The following PCDHGA5 variants were observed in gnomAD, a reference collection of about 807,000 sequenced individuals.
PCDHGA5 encodes the protein protocadherin gamma subfamily A, 5, also known as protocadherin gamma-A5.
A neutral mutation model predicts 56.7 loss-of-function variants in PCDHGA5; 36 were observed. The observed-to-expected ratio is 0.64, with a 90% CI of 0.49 to 0.84. PCDHGA5 has a LOEUF of 0.84. Among genes scored for constraint, PCDHGA5 ranks in the 40% least tolerant of loss-of-function variants. The probability of loss-of-function intolerance (pLI) is 0.00; values close to 1 mark genes in which losing one functional copy is unlikely to be tolerated. For missense variants in PCDHGA5, 1,305 were observed against 1,201.5 expected, an observed-to-expected ratio of 1.09 and a Z score of -1.27; for synonymous variants, 563 against 520.2, an observed-to-expected ratio of 1.08 and a Z score of -1.12.
At chr5:141,422,166 T>A (rs370704205) in intron 1 of PCDHGA5, 1 of 1,569,256 alleles carries the variant, frequency 6.4e-7, no homozygotes, top group African/African-American at 1.4e-5. Context: ...TTGAAAAATA[T>A]AGATTCTATG....
At chr5:141,417,628 A>T (rs2096139720) in intron 1 of PCDHGA5, 1 of 692,650 alleles carries the variant, frequency 1.4e-6, no homozygotes, top group Non-Finnish European at 2.3e-6. Context: ...GCAAGCGCTG[A>T]CGCCGGGGAT....
intron 1 of PCDHGA5, chr5:141,410,775 T>A: frequency 1.0e-6 from 1 of 998,978 alleles, no homozygotes. Flanking sequence ...TAGTTTTCAC[T>A]ATGTATTTGG....
chr5:141,370,484 C>G (rs750551260), intron 1 of PCDHGA5: 1 of 1,613,866 alleles, frequency 6.2e-7, no homozygotes, highest in African/African-American at 1.3e-5. Context: ...AGGCTCTCTC[C>G]GAACCGATCC....
intron 1 of PCDHGA5, among the ~76,000 whole-genome samples, chr5:141,494,512 C>T (rs2154591503): frequency 6.6e-6 from 1 of 152,276 alleles, no homozygotes; most frequent in Middle Eastern, 3.4e-3. Context: ...AATTTTGGCT[C>T]AGGAGTTCTG....
intron 1 of PCDHGA5, chr5:141,416,401 T>C (rs2096020867): frequency 6.6e-6 from 1 of 152,204 alleles, no homozygotes; most frequent in African/African-American, 2.4e-5. Context: ...TGCTTTTGTC[T>C]TTTTTGTTAA....
chr5:141,390,279 C>T (rs759949726), intron 1 of PCDHGA5: 18 of 1,613,880 alleles, frequency 1.1e-5, no homozygotes, highest in Non-Finnish European at 1.5e-5. Context: ...GACTTCCCAT[C>T]AGGTGAGTTT....
rs2099883762 is a variant in PCDHGA5, at chr5:141,511,396, C to T, written c.*223C>T. 9.8e-7 allele frequency: 1 copy of T among 1,016,834 alleles called. No homozygotes were observed. Among genetic ancestry groups the T allele is most frequent in the South Asian group, 1.7e-5 (1 of 58,996 alleles). The allele number at this position is 1,016,834 out of a possible 1,614,324, so 63.0% of individuals were successfully genotyped here. ...AAGCAGTTCCGCTGGGAACCCCCAT[C>T]CAATCAACTGCTGTACCCATGGGGG... On this transcript the variant is annotated 3_prime_UTR_variant, in exon 4 of 4. Coordinates refer to ENST00000518069, the MANE Select transcript of PCDHGA5 (RefSeq NM_018918.3).
intron 1 of PCDHGA5, chr5:141,378,010 T>C (rs1476632072): frequency 6.6e-6 from 1 of 152,212 alleles, no homozygotes; most frequent in Non-Finnish European, 1.5e-5. Flanking sequence ...TCAAATAAGC[T>C]CTACTTATAT....
At position 141,389,550 on chromosome 5, in the gene PCDHGA5, A is replaced by T. The variant is rs767434946; in HGVS notation, c.2421+22799A>T. The T allele has an allele frequency of 3.7e-6, 6 of 1,613,098 alleles. No individual in the cohort carries two copies. The African/African-American group carries it at 4.0e-5, about 11-fold the overall frequency. On this transcript the variant is annotated intron_variant, in intron 1 of 3. Transcript: ENST00000518069. ...CGTGTTAGTGGACGACCGCAACGAC[A>T]ATGCGCCACGGGTGCTGTACCCCGC...
At position 141,403,340 on chromosome 5, in the gene PCDHGA5, G is replaced by GC. The variant is rs1435471755; in HGVS notation, c.2421+36593dup. The GC allele has an allele frequency of 5.6e-6, 9 of 1,613,982 alleles. No homozygotes were observed. In the South Asian group the frequency reaches 9.9e-5, roughly 18 times the overall value. ...AGAAGTAACTGATATTAACGACAGCGCCCCAAAGTTCCAGGCCGAAAGTCT... is the reference window on the plus strand; with the variant it reads ...AGAAGTAACTGATATTAACGACAGCGCCCCCAAAGTTCCAGGCCGAAAGTCT... On this transcript the variant is annotated intron_variant, in intron 1 of 3. Transcript: ENST00000518069.
At position 141,366,311 on chromosome 5, in the gene PCDHGA5, A is replaced by T. The variant is rs1561537361; in HGVS notation, c.1981A>T (p.Thr661Ser). 3 of 1,613,766 alleles carry T rather than the reference A, an allele frequency of 1.9e-6. No individual in the cohort carries two copies. The highest frequency in any genetic ancestry group is 2.5e-6 in the Non-Finnish European group (3 of 1,179,966). ...QPPLSATFTV[T>S]VAVADRIPDI... The stretch of plus-strand genomic sequence containing the variant: ...CCCTCTGTCAGCCACCTTCACGGTC[A>T]CCGTTGCCGTGGCCGACAGGATCCC... The change falls in exon 1 of 4, where the codon ACC becomes TCC. Residue 661 changes from threonine (T) to serine (S), a missense_variant. By Grantham distance (58) the Thr-to-Ser change is moderately conservative. Coordinates refer to ENST00000518069, the MANE Select transcript of PCDHGA5 (RefSeq NM_018918.3).
intron 1 of PCDHGA5, among the ~76,000 whole-genome samples, chr5:141,465,396 C>A (rs2099102528): frequency 6.6e-6 from 1 of 152,054 alleles, no homozygotes; most frequent in Admixed American, 6.6e-5. Context: ...AAAAACAAGT[C>A]AGAAGAAGCC....
At chr5:141,417,743 A>T in intron 1 of PCDHGA5, 2 of 1,419,054 alleles carry the variant, frequency 1.4e-6, no homozygotes, top group Non-Finnish European at 1.9e-6. Flanking sequence ...AGCACACCAG[A>T]TTGCCAGCTC....
intron 1 of PCDHGA5, chr5:141,370,328 G>T: frequency 1.4e-6 from 2 of 1,405,614 alleles, no homozygotes; most frequent in South Asian, 2.9e-5. Flanking sequence ...CCTGCTCGGA[G>T]AACTCTTGGG....
At chr5:141,455,984 G>A (rs1405675950) in intron 1 of PCDHGA5, among the ~76,000 whole-genome samples, 2 of 151,492 alleles carry the variant, frequency 1.3e-5, no homozygotes, top group East Asian at 1.9e-4. Context: ...TGCAAGCTCC[G>A]CCTCTCGGGT....
intron 1 of PCDHGA5, chr5:141,388,173 G>A (rs2091270272): frequency 1.3e-6 from 2 of 1,502,222 alleles, no homozygotes; most frequent in South Asian, 2.3e-5. Flanking sequence ...GGAGATATGC[G>A]GGAAGAAGCC....
chr5:141,390,538 C>CA, intron 1 of PCDHGA5: 3 of 518,310 alleles, frequency 5.8e-6, no homozygotes, highest in Non-Finnish European at 1.0e-5. Flanking sequence ...GTTTTAACCA[C>CA]AAAGTGAAAG....
rs760676891 is a variant in PCDHGA5, at chr5:141,413,180, CCGCTCAAAGGAAT to C, written c.2421+46444_2421+46456del. The C allele has an allele frequency of 6.9e-5, 111 of 1,602,612 alleles. No individual in the cohort carries two copies. The East Asian group carries it at 9.6e-4, about 14-fold the overall frequency. ...GAATTCTGTAACCAGACTACAATGG[CCGCTCAAAGGAAT>C]CGCTCAAAGGAATCAAAGGATTGCA... On this transcript the variant is annotated intron_variant, in intron 1 of 3. Transcript: ENST00000518069.
At chr5:141,448,948 A>AAAAC (rs1237948751) in intron 1 of PCDHGA5, among the ~76,000 whole-genome samples, 2 of 152,170 alleles carry the variant, frequency 1.3e-5, no homozygotes, top group African/African-American at 2.4e-5. Flanking sequence ...GCAACTCAAA[A>AAAAC]AAACAAACAA....
Sources: allele counts gnomAD v4.1 joint callset (sites outside exome capture counted in the v4.1 genomes callset), GRCh38; gene constraint gnomAD v4.1.1; transcripts MANE v1.5; gene names NCBI Gene and HGNC (gene_info 2026-07-23, HGNC 2026-07-21).